The following LTV1 variants were observed in gnomAD, a reference collection of about 807,000 sequenced individuals.
The protein encoded by LTV1 is protein LTV1 homolog.
In LTV1, 39 loss-of-function variants were observed where a neutral mutation model predicts 59.9. That is an observed-to-expected ratio of 0.65 (90% CI 0.50 to 0.85). The LOEUF (loss-of-function observed/expected upper bound fraction) is 0.85, where lower values mean the gene tolerates loss of function less well. Among genes scored for constraint, LTV1 ranks in the 40% least tolerant of loss-of-function variants. The pLI, the probability that LTV1 is intolerant of heterozygous loss-of-function variation, is 0.00. For missense variants in LTV1, 493 were observed against 549.1 expected (o/e 0.90, Z 1.02); for synonymous variants, 171 against 189.5 (o/e 0.90, Z 0.80).
chr6:143,862,753 A>G lies in LTV1; in HGVS notation c.1064-91A>G. 1.2e-6 allele frequency: 1 copy of G among 831,334 alleles called. No individual in the cohort carries two copies. Among genetic ancestry groups the G allele is most frequent in the South Asian group, 1.4e-5 (1 of 70,408 alleles). 51.5% of individuals were successfully genotyped at this position (831,334 alleles called of 1,614,324 possible). A position where few individuals can be genotyped will look rare whatever the true frequency, so the allele number is the denominator to read the frequency against. On this transcript the variant is annotated intron_variant, in intron 8 of 10. Coordinates refer to ENST00000367576, the MANE Select transcript of LTV1 (RefSeq NM_032860.5). This position sits in a 1 kb window ranked among gnomAD's most constrained non-coding sequence, Gnocchi z 4.2. ...TCCAGTGTTATTTTGCACTATGAAAACACAAGGTCAGAAATATAGTAGGAA... is the reference window on the plus strand; with the variant it reads ...TCCAGTGTTATTTTGCACTATGAAAGCACAAGGTCAGAAATATAGTAGGAA...
At chr6:143,859,837 C>G (rs1777134026) in intron 6 of LTV1, among the ~76,000 whole-genome samples, 1 of 152,168 alleles carries the variant, frequency 6.6e-6, no homozygotes, top group South Asian at 2.1e-4. Flanking sequence ...GGCGTAGTGT[C>G]TCGTGCCTAT....
At chr6:143,847,279 C>T (rs1306641453) in intron 3 of LTV1, among the ~76,000 whole-genome samples, 3 of 152,228 alleles carry the variant, frequency 2.0e-5, no homozygotes, top group African/African-American at 4.8e-5. Context: ...TCCTTAGTGG[C>T]TCAACTTGTT....
Position 143,844,466 on chromosome 6 carries a change from G to C in LTV1, c.4-20G>C. 1 of 1,611,740 alleles carries C rather than the reference G, an allele frequency of 6.2e-7. No homozygotes were observed. The highest frequency in any genetic ancestry group is 8.5e-7 in the Non-Finnish European group (1 of 1,178,662). ...TTTTGTTCTGTTTTAATTAATTGTT[G>C]TGATTTTGTTCCTTTGAAGCCTCAC... On this transcript the variant is annotated intron_variant, in intron 1 of 10. Transcript: ENST00000367576.
At chr6:143,850,574 C>T (rs114146719) in intron 4 of LTV1, among the ~76,000 whole-genome samples, 60 of 152,250 alleles carry the variant, frequency 3.9e-4, no homozygotes, top group African/African-American at 1.3e-3. Context: ...AATTTCTCCC[C>T]AGAGCATACA....
intron 4 of LTV1, among the ~76,000 whole-genome samples, chr6:143,854,452 A>G (rs1335820070): frequency 6.6e-6 from 1 of 151,836 alleles, no homozygotes; most frequent in Non-Finnish European, 1.5e-5. Context: ...TATCTCCTTC[A>G]GTTCTGCTGT....
intron 4 of LTV1, among the ~76,000 whole-genome samples, chr6:143,854,410 T>A (rs1364673187): frequency 1.3e-5 from 2 of 152,206 alleles, no homozygotes; most frequent in Non-Finnish European, 2.9e-5. Context: ...GCTCCTGGAT[T>A]CATTGGTTTT....
Position 143,855,204 on chromosome 6 carries a change from C to T in LTV1, c.398-2099C>T, listed in dbSNP as rs1352825410. Reference sequence around the variant, plus strand: ...TGTTCCCTTTACTATTATGTAATGCCCTTCTTTGTGTTTTTTGATCTTTGT... The same window carrying T: ...TGTTCCCTTTACTATTATGTAATGCTCTTCTTTGTGTTTTTTGATCTTTGT... On this transcript the variant is annotated intron_variant, in intron 4 of 10. Transcript: ENST00000367576. This position sits in a 1 kb window ranked among gnomAD's most constrained non-coding sequence, Gnocchi z 4.6. 6.6e-6 allele frequency among the ~76,000 whole-genome samples: 1 copy of T among 151,882 alleles called. No individual in the cohort carries two copies. The highest frequency in any genetic ancestry group is 2.4e-5 in the African/African-American group (1 of 41,314).
Position 143,863,809 on chromosome 6 carries a change from T to A in LTV1, c.*282T>A, listed in dbSNP as rs1416280263. 4.1e-6 allele frequency: 1 copy of A among 241,620 alleles called. No homozygotes were observed. The highest frequency in any genetic ancestry group is 7.9e-6 in the Non-Finnish European group (1 of 125,906). 15.0% of individuals were successfully genotyped at this position (241,620 alleles called of 1,614,324 possible). A position where few individuals can be genotyped will look rare whatever the true frequency, so the allele number is the denominator to read the frequency against. On this transcript the variant is annotated 3_prime_UTR_variant, in exon 11 of 11. Coordinates refer to ENST00000367576, the MANE Select transcript of LTV1 (RefSeq NM_032860.5). The surrounding 1 kb of genome is among the most constrained non-coding windows in gnomAD (Gnocchi z 4.5). ...ATTAAAGGAAAATATCTTCATAACG[T>A]GAATGGAATTGGTGTATTCATTTAT...
intron 1 of LTV1, 66 bp downstream of exon 1, chr6:143,843,546 G>T: frequency 6.2e-7 from 1 of 1,605,580 alleles, no homozygotes; most frequent in Non-Finnish European, 8.5e-7. Flanking sequence ...GCTGCTTCCG[G>T]TAATACCTTG....
rs1472770712 is a variant in LTV1 at position 143,857,956 on chromosome 6, A to G, written c.744A>G (p.Ser248=). The G allele has an allele frequency of 5.0e-6, 8 of 1,614,018 alleles. No homozygotes were observed. The Admixed American group carries it at 1.3e-4, about 27-fold the overall frequency. The part of the protein sequence containing the change: ...SRFTEYSMTS[S]VMRRNEQLTL... The stretch of plus-strand genomic sequence containing the variant: ...TCACGGAGTATTCGATGACTTCCTC[A>G]GTCATGAGGAGAAATGAACAGCTGA... The change falls in exon 6 of 11, where the codon TCA becomes TCG. Residue 248 remains serine (S), a synonymous_variant. Transcript: ENST00000367576. The surrounding 1 kb of genome is among the most constrained non-coding windows in gnomAD (Gnocchi z 5.2).
chr6:143,862,021 A>C lies in LTV1; in HGVS notation c.924-83A>C. 7.3e-7 allele frequency: 1 copy of C among 1,377,260 alleles called. No homozygotes were observed. The highest frequency in any genetic ancestry group is 1.0e-6 in the Non-Finnish European group (1 of 1,002,886). 85.3% of individuals were successfully genotyped at this position (1,377,260 alleles called of 1,614,324 possible). On this transcript the variant is annotated intron_variant, in intron 7 of 10. Coordinates refer to ENST00000367576, the MANE Select transcript of LTV1 (RefSeq NM_032860.5). The surrounding 1 kb of genome is among the most constrained non-coding windows in gnomAD (Gnocchi z 4.2). ...TAAAACATTGGTTTTTCCACAGCTAAAAATTGCAGTTTTAGTGACATAGTA... is the reference window on the plus strand; with the variant it reads ...TAAAACATTGGTTTTTCCACAGCTACAAATTGCAGTTTTAGTGACATAGTA...
At chr6:143,846,884 A>T (rs1489157063) in intron 3 of LTV1, among the ~76,000 whole-genome samples, 1 of 152,146 alleles carries the variant, frequency 6.6e-6, no homozygotes, top group Non-Finnish European at 1.5e-5. Context: ...CTAGCACTTT[A>T]AAAAAAGGAG....
intron 3 of LTV1, 115 bp downstream of exon 3, chr6:143,846,339 C>A: frequency 1.1e-6 from 1 of 937,316 alleles, no homozygotes; most frequent in Non-Finnish European, 1.6e-6. Context: ...AGATAGACCA[C>A]GCCTCCACTT....
At position 143,863,474 on chromosome 6, in the gene LTV1, CA is replaced by C. The variant is rs1166103392; in HGVS notation, c.1377del (p.Glu460LysfsTer5). On this transcript the variant is annotated frameshift_variant, in exon 11 of 11. Transcript: ENST00000367576. LOFTEE classifies it high-confidence loss of function. This position sits in a 1 kb window ranked among gnomAD's most constrained non-coding sequence, Gnocchi z 4.5. ...KLAFKLEKRRQEKELLNLKKN... is the reference protein window; with the variant it reads ...KLAFKLEKRRXEKELLNLKKN... ...AGCATTTAAACTGGAGAAAAGAAGG[CA>C]AGAAAAAGAGCTGCTGAACTTGAAG... is the stretch of plus-strand genomic sequence containing the variant. The C allele has an allele frequency of 6.2e-7, 1 of 1,613,498 alleles. No homozygotes were observed. The highest frequency in any genetic ancestry group is 8.5e-7 in the Non-Finnish European group (1 of 1,179,856).
Position 143,862,001 on chromosome 6 carries a change from C to T in LTV1, c.924-103C>T. ...GTCACTGGAATATGTGCATTTAAAA[C>T]ATTGGTTTTTCCACAGCTAAAAATT... is the stretch of plus-strand genomic sequence containing the variant. On this transcript the variant is annotated intron_variant, in intron 7 of 10. Coordinates refer to ENST00000367576, the MANE Select transcript of LTV1 (RefSeq NM_032860.5). The surrounding 1 kb of genome is among the most constrained non-coding windows in gnomAD (Gnocchi z 4.2). 8.9e-7 allele frequency: 1 copy of T among 1,120,754 alleles called. No homozygotes were observed. Among genetic ancestry groups the T allele is most frequent in the Non-Finnish European group, 1.3e-6 (1 of 774,814 alleles). 69.4% of individuals were successfully genotyped at this position (1,120,754 alleles called of 1,614,324 possible). A position where few individuals can be genotyped will look rare whatever the true frequency, so the allele number is the denominator to read the frequency against.
Position 143,843,345 on chromosome 6 carries a change from TA to T in LTV1, c.-132del, listed in dbSNP as rs1317667170. The T allele has an allele frequency of 8.9e-7, 1 of 1,129,766 alleles. No homozygotes were observed. The allele number at this position is 1,129,766 out of a possible 1,614,324, so 70.0% of individuals were successfully genotyped here. ...GTTTCCACGGCCGGCTGGGTGACGT[TA>T]TCGCCGGGTCCTGGGGCTGCACGTG... On this transcript the variant is annotated 5_prime_UTR_variant, in exon 1 of 11. Transcript: ENST00000367576.
rs1777059068 is a variant in LTV1, at chr6:143,855,421, A to G, written c.398-1882A>G. Among the ~76,000 whole-genome samples, 1 of 152,144 alleles carries G rather than the reference A, an allele frequency of 6.6e-6. No individual in the cohort carries two copies. The highest frequency in any genetic ancestry group is 2.1e-4 in the South Asian group (1 of 4,834). ...CCAATTTGCCAATCTGTGTCTTTTA[A>G]TTGGGGCTTTTATCCCATTTACATT... On this transcript the variant is annotated intron_variant, in intron 4 of 10. Coordinates refer to ENST00000367576, the MANE Select transcript of LTV1 (RefSeq NM_032860.5). The surrounding 1 kb of genome is among the most constrained non-coding windows in gnomAD (Gnocchi z 4.6).
Position 143,848,903 on chromosome 6 carries a change from C to T in LTV1, c.310-1228C>T, listed in dbSNP as rs116825830. Among the ~76,000 whole-genome samples the T allele has an allele frequency of 5.5e-3, 843 of 152,232 alleles. 9 individuals are homozygous for T. The highest frequency in any genetic ancestry group is 0.019 in the African/African-American group (797 of 41,528). Reference sequence around the variant, plus strand: ...ACTGTGGTTCCGTGTCAGGCACATGCGCGCCAAGTAAAGTGTTTTGCATTA... The same window carrying T: ...ACTGTGGTTCCGTGTCAGGCACATGTGCGCCAAGTAAAGTGTTTTGCATTA... On this transcript the variant is annotated intron_variant, in intron 3 of 10. Transcript: ENST00000367576.
At chr6:143,854,131 G>A (rs1777035263) in intron 4 of LTV1, among the ~76,000 whole-genome samples, 1 of 152,190 alleles carries the variant, frequency 6.6e-6, no homozygotes, top group Non-Finnish European at 1.5e-5. Context: ...TTCAGAACAT[G>A]TTATTGGTCT....
Sources: allele counts gnomAD v4.1 joint callset (sites outside exome capture counted in the v4.1 genomes callset), GRCh38; gene constraint gnomAD v4.1.1; non-coding constraint Gnocchi (gnomAD v3.1); transcripts MANE v1.5; gene names NCBI Gene and HGNC (gene_info 2026-07-23, HGNC 2026-07-21).